The following DNAI1 variants were observed in gnomAD, a reference collection of about 807,000 sequenced individuals.
DNAI1 encodes dynein, axonemal, intermediate polypeptide 1.
A neutral mutation model predicts 92.0 loss-of-function variants in DNAI1; 67 were observed. The ratio of observed to expected loss-of-function variants is 0.73; its 90% CI spans 0.60 to 0.89. DNAI1 has a LOEUF of 0.89. DNAI1 is among the 40% of genes least tolerant of loss of function. The pLI is 0.00. For missense variants in DNAI1, 839 were observed against 866.6 expected, an observed-to-expected ratio of 0.97 and a Z score of 0.40; for synonymous variants, 323 against 319.6, an observed-to-expected ratio of 1.01 and a Z score of -0.11.
intron 4 of DNAI1, among the ~76,000 whole-genome samples, chr9:34,487,510 A>T (rs1026003744): frequency 6.6e-6 from 1 of 152,004 alleles, no homozygotes; most frequent in African/African-American, 2.4e-5. Context: ...GAAAGGTGCT[A>T]CTTGTGAGTT....
At position 34,500,810 on chromosome 9, in the gene DNAI1, C is replaced by G. The variant is rs1172131052; in HGVS notation, c.990C>G (p.Ala330=). The change falls in exon 11 of 20, where the codon GCC becomes GCG. Residue 330 remains alanine, a synonymous_variant. Coordinates refer to ENST00000242317, the MANE Select transcript of DNAI1 (RefSeq NM_012144.4). ...LPLWKFQNDK[A]KRLSVTALCW... is the part of the protein sequence containing the mutation. ...TCTGGAAGTTCCAAAATGACAAAGC[C>G]AAGCGCCTGTCCGTCACTGCCCTCT... is the stretch of plus-strand genomic sequence containing the variant. 16 of 1,613,990 alleles carry G rather than the reference C, an allele frequency of 9.9e-6. No homozygotes were observed. The highest frequency in any genetic ancestry group is 1.4e-5 in the Non-Finnish European group (16 of 1,179,994).
At chr9:34,501,215 G>A in intron 12 of DNAI1, 34 bp downstream of exon 12, 1 of 1,552,278 alleles carries the variant, frequency 6.4e-7, no homozygotes, top group Non-Finnish European at 8.9e-7. Flanking sequence ...ATTTGCTCAT[G>A]TAAACAGCAA....
intron 10 of DNAI1, among the ~76,000 whole-genome samples, chr9:34,497,595 A>G (rs1824751836): frequency 6.6e-6 from 1 of 152,184 alleles, no homozygotes; most frequent in Non-Finnish European, 1.5e-5. Flanking sequence ...TCCTCATTCT[A>G]TGCTCTGTCC....
chr9:34,508,032 C>G (rs891600277), intron 13 of DNAI1, among the ~76,000 whole-genome samples: 16 of 152,184 alleles, frequency 1.1e-4, no homozygotes, highest in Non-Finnish European at 2.9e-5. Context: ...CAAAGGTCCC[C>G]TTCTTTCAAA....
intron 18 of DNAI1, among the ~76,000 whole-genome samples, chr9:34,516,137 C>T (rs1232131167): frequency 6.6e-6 from 1 of 152,068 alleles, no homozygotes. Flanking sequence ...GGGGAGCAGC[C>T]CATGGTGAGG....
At chr9:34,507,342 AAC>A (rs1160671528) in intron 13 of DNAI1, among the ~76,000 whole-genome samples, 2 of 152,240 alleles carry the variant, frequency 1.3e-5, no homozygotes, top group Non-Finnish European at 2.9e-5. Context: ...ACAGTCAAAT[AAC>A]ACATATATTG....
Position 34,506,859 on chromosome 9 carries a change from A to G in DNAI1, c.1296A>G (p.Ser432=). ...GCTCAGCCAAGTCTGGCAAGCACTC[A>G]GACCCTGTGTGGCAGGTCAGCAACC... ...FCSSAKSGKH[S]DPVWQVKWQK... The change falls in exon 13 of 20, where the codon TCA becomes TCG. Residue 432 remains serine (S), a synonymous_variant. Coordinates refer to ENST00000242317, the MANE Select transcript of DNAI1 (RefSeq NM_012144.4). The G allele has an allele frequency of 6.2e-7, 1 of 1,614,020 alleles. No individual in the cohort carries two copies. The highest frequency in any genetic ancestry group is 8.5e-7 in the Non-Finnish European group (1 of 1,179,992).
intron 2 of DNAI1, among the ~76,000 whole-genome samples, chr9:34,484,736 A>G (rs1462862106): frequency 6.6e-6 from 1 of 152,212 alleles, no homozygotes; most frequent in Non-Finnish European, 1.5e-5. Context: ...TATAAATTAG[A>G]GTTGAAGTAA....
In DNAI1 at chr9:34,512,404, G is replaced by A. The variant is rs377174043; in HGVS notation, c.1469G>A (p.Gly490Glu). ...GGCAGCACCACGGAAGTTCCTGAGGGGTTGCAGCTGCACCCAGTGGGTAGG... is the reference window on the plus strand; with the variant it reads ...GGCAGCACCACGGAAGTTCCTGAGGAGTTGCAGCTGCACCCAGTGGGTAGG... Reference protein sequence around the residue: ...VEGSTTEVPEGLQLHPVGCGT... With the variant: ...VEGSTTEVPEELQLHPVGCGT... The change falls in exon 15 of 20, where the codon GGG becomes GAG. Residue 490 changes from glycine to glutamate, a missense_variant. Transcript: ENST00000242317. The A allele has an allele frequency of 1.7e-5, 27 of 1,614,022 alleles. No individual in the cohort carries two copies. Among genetic ancestry groups the A allele is most frequent in the Admixed American group, 1.7e-5 (1 of 60,004 alleles).
chr9:34,503,318 G>A (rs1342866997), intron 12 of DNAI1, among the ~76,000 whole-genome samples: 1 of 152,172 alleles, frequency 6.6e-6, no homozygotes, highest in African/African-American at 2.4e-5. Flanking sequence ...GAAAGAGGGC[G>A]AAGCTGGGGC....
chr9:34,520,593 G>A, intron 19 of DNAI1, 65 bp from the exon 20 acceptor site: 1 of 1,435,178 alleles, frequency 7.0e-7, no homozygotes, highest in East Asian at 2.5e-5. Context: ...CAGAGGAGGT[G>A]GTGCTGGGAC....
chr9:34,473,711 G>T (rs1002528590), intron 1 of DNAI1, among the ~76,000 whole-genome samples: 8 of 151,958 alleles, frequency 5.3e-5, no homozygotes, highest in African/African-American at 1.9e-4. Flanking sequence ...TTGGTTGGTT[G>T]GTGCGTGGGT....
At chr9:34,477,730 G>T (rs1378425116) in intron 1 of DNAI1, among the ~76,000 whole-genome samples, 1 of 152,156 alleles carries the variant, frequency 6.6e-6, no homozygotes, top group Non-Finnish European at 1.5e-5. Flanking sequence ...TAAATGGATA[G>T]TGGTACACTT....
intron 18 of DNAI1, among the ~76,000 whole-genome samples, chr9:34,515,761 A>G (rs1195890316): frequency 1.3e-5 from 2 of 152,222 alleles, no homozygotes; most frequent in Non-Finnish European, 2.9e-5. Context: ...CACTTCTATA[A>G]TACATCCAAA....
intron 1 of DNAI1, among the ~76,000 whole-genome samples, chr9:34,461,349 G>A (rs1823948480): frequency 6.6e-6 from 1 of 152,196 alleles, no homozygotes; most frequent in South Asian, 2.1e-4. Flanking sequence ...AGTTGTACGT[G>A]TTGACAAATT....
intron 1 of DNAI1, among the ~76,000 whole-genome samples, chr9:34,460,927 G>A (rs1034868898): frequency 5.3e-5 from 8 of 151,982 alleles, no homozygotes; most frequent in Non-Finnish European, 7.4e-5. Flanking sequence ...TGCAAGCTCC[G>A]CCTCCTGGGT....
intron 13 of DNAI1, among the ~76,000 whole-genome samples, chr9:34,508,156 T>C (rs1824980454): frequency 6.6e-6 from 1 of 152,248 alleles, no homozygotes; most frequent in Non-Finnish European, 1.5e-5. Flanking sequence ...CTGTCTTCTC[T>C]TCTTTCACTT....
At chr9:34,459,676 G>A (rs1028221326) in intron 1 of DNAI1, among the ~76,000 whole-genome samples, 1 of 152,150 alleles carries the variant, frequency 6.6e-6, no homozygotes, top group South Asian at 2.1e-4. Flanking sequence ...TAACTCCTGA[G>A]CTCAAGCGAT....
At chr9:34,474,148 G>A (rs1189430053) in intron 1 of DNAI1, among the ~76,000 whole-genome samples, 2 of 152,000 alleles carry the variant, frequency 1.3e-5, no homozygotes, top group African/African-American at 4.8e-5. Flanking sequence ...GCGAATATTT[G>A]TGTTTTTCCA....
Sources: allele counts gnomAD v4.1 joint callset (sites outside exome capture counted in the v4.1 genomes callset), GRCh38; gene constraint gnomAD v4.1.1; transcripts MANE v1.5; gene names NCBI Gene and HGNC (gene_info 2026-07-23, HGNC 2026-07-21).